The following DCLK1 variants were observed in gnomAD, a reference collection of about 807,000 sequenced individuals.
DCLK1 encodes the protein doublecortin like kinase 1, also known as serine/threonine-protein kinase DCLK1.
A neutral mutation model predicts 86.2 loss-of-function variants in DCLK1; 16 were observed. That is an observed-to-expected ratio of 0.19 (90% CI 0.13 to 0.28). DCLK1 has a LOEUF of 0.28. DCLK1 is among the 10% of genes least tolerant of loss of function. The probability of loss-of-function intolerance (pLI) is 1.00; values close to 1 mark genes in which losing one functional copy is unlikely to be tolerated. For synonymous variants in DCLK1, 369 were observed against 370.5 expected, an observed-to-expected ratio of 1.00 and a Z score of 0.05; for missense variants, 590 against 940.2, an observed-to-expected ratio of 0.63 and a Z score of 4.87.
chr13:35,888,836 TATC>T (rs1288375906), intron 4 of DCLK1, among the ~76,000 whole-genome samples: 5 of 152,212 alleles, frequency 3.3e-5, no homozygotes, highest in Non-Finnish European at 7.3e-5. Flanking sequence ...TGGCTAGACT[TATC>T]ATCTTCAAAT....
At chr13:35,956,911 C>T (rs962925222) in intron 3 of DCLK1, among the ~76,000 whole-genome samples, 2 of 152,176 alleles carry the variant, frequency 1.3e-5, no homozygotes, top group African/African-American at 4.8e-5. Context: ...AAATGCTCCT[C>T]TGGCCTGGAT....
intron 10 of DCLK1, among the ~76,000 whole-genome samples, chr13:35,823,980 A>C (rs1175495574): frequency 2.0e-5 from 3 of 152,044 alleles, no homozygotes; most frequent in Admixed American, 6.5e-5. Flanking sequence ...AGTTTTTTCA[A>C]CTTTCTGCTT....
chr13:35,849,929 G>GA, intron 6 of DCLK1: 1 of 958,454 alleles, frequency 1.0e-6, no homozygotes, highest in Non-Finnish European at 1.2e-6. Context: ...ATGATTGTAA[G>GA]AAAAAATTAT....
chr13:36,005,540 T>C (rs1593809390), intron 3 of DCLK1, among the ~76,000 whole-genome samples: 2 of 152,262 alleles, frequency 1.3e-5, no homozygotes, highest in Admixed American at 1.3e-4. Context: ...GGAACATGCT[T>C]TCGAAGGATA....
At chr13:36,013,685 G>C (rs1881394016) in intron 3 of DCLK1, among the ~76,000 whole-genome samples, 1 of 152,146 alleles carries the variant, frequency 6.6e-6, no homozygotes, top group Non-Finnish European at 1.5e-5. Flanking sequence ...CTTTTTGTTT[G>C]TCTGTGCCCT....
intron 3 of DCLK1, among the ~76,000 whole-genome samples, chr13:35,959,381 G>A (rs778245296): frequency 2.0e-5 from 3 of 152,086 alleles, no homozygotes; most frequent in African/African-American, 7.2e-5. Flanking sequence ...CAAACAGGGC[G>A]ATCACTGGCC....
intron 16 of DCLK1, among the ~76,000 whole-genome samples, chr13:35,783,061 G>T (rs771845187): frequency 3.3e-5 from 5 of 152,394 alleles, no homozygotes; most frequent in East Asian, 1.9e-4. Flanking sequence ...CCCTGTCCTA[G>T]AGGATCACAT....
intron 4 of DCLK1, among the ~76,000 whole-genome samples, chr13:35,879,076 C>A (rs768904829): frequency 6.6e-6 from 1 of 152,106 alleles, no homozygotes; most frequent in Non-Finnish European, 1.5e-5. Flanking sequence ...ATGGCCACCA[C>A]ACCGGGCCAA....
chr13:35,901,567 G>A (rs1566593928), intron 4 of DCLK1, among the ~76,000 whole-genome samples: 1 of 148,746 alleles, frequency 6.7e-6, no homozygotes, highest in African/African-American at 2.5e-5. Context: ...GGAGGAAATA[G>A]GGTAGAACTT....
At chr13:35,896,032 C>A (rs1172891509) in intron 4 of DCLK1, among the ~76,000 whole-genome samples, 1 of 151,790 alleles carries the variant, frequency 6.6e-6, no homozygotes, top group Non-Finnish European at 1.5e-5. Flanking sequence ...ACAAGTAAGG[C>A]GCTTTGTTTT....
chr13:35,782,386 T>C (rs1180933020), intron 16 of DCLK1, among the ~76,000 whole-genome samples: 1 of 152,222 alleles, frequency 6.6e-6, no homozygotes, highest in Non-Finnish European at 1.5e-5. Flanking sequence ...TTGCCATGTT[T>C]GTTCTCCATC....
chr13:35,835,152 C>G (rs1170247815), intron 8 of DCLK1, among the ~76,000 whole-genome samples: 1 of 152,074 alleles, frequency 6.6e-6, no homozygotes, highest in African/African-American at 2.4e-5. Context: ...CTGAGTGGAG[C>G]TTAGGAGTGT....
At chr13:36,003,565 G>A (rs1880816943) in intron 3 of DCLK1, among the ~76,000 whole-genome samples, 1 of 152,088 alleles carries the variant, frequency 6.6e-6, no homozygotes, top group Non-Finnish European at 1.5e-5. Flanking sequence ...GCTTATAAAG[G>A]CTGAAAATAA....
In DCLK1 at chr13:36,049,280, G is replaced by C. The variant is rs150590810; in HGVS notation, c.723+62589C>G. On this transcript the variant is annotated intron_variant, in intron 3 of 16. Coordinates refer to ENST00000360631, the MANE Select transcript of DCLK1 (RefSeq NM_001330071.2). ...GTAAGTGTGGCTGCTTAAGAAACAT[G>C]AGCATATTCTGATTTTTGCTAAGAA... 1.6e-3 allele frequency among the ~76,000 whole-genome samples: 244 copies of C among 152,264 alleles called. 1 individual carries two copies. The highest frequency in any genetic ancestry group is 5.7e-3 in the African/African-American group (235 of 41,558).
chr13:35,862,524 C>T (rs1254517414), intron 5 of DCLK1, among the ~76,000 whole-genome samples: 1 of 152,130 alleles, frequency 6.6e-6, no homozygotes, highest in African/African-American at 2.4e-5. Context: ...CCACTGTTTC[C>T]AAAACTCAAC....
At chr13:36,007,291 T>C (rs1244654499) in intron 3 of DCLK1, among the ~76,000 whole-genome samples, 1 of 152,212 alleles carries the variant, frequency 6.6e-6, no homozygotes, top group Non-Finnish European at 1.5e-5. Flanking sequence ...TAAAGCTTAG[T>C]AGAGATTTTT....
At chr13:36,079,689 T>C (rs924554476) in intron 3 of DCLK1, among the ~76,000 whole-genome samples, 3 of 152,042 alleles carry the variant, frequency 2.0e-5, no homozygotes, top group Non-Finnish European at 4.4e-5. Context: ...ACCAACAGCA[T>C]TATCAGGAAT....
intron 4 of DCLK1, among the ~76,000 whole-genome samples, chr13:35,942,624 C>A (rs796297758): frequency 6.6e-6 from 1 of 152,166 alleles, no homozygotes; most frequent in South Asian, 2.1e-4. Context: ...AGATCTCCTC[C>A]GGCACATTTG....
At chr13:35,884,720 G>GC (rs1873123043) in intron 4 of DCLK1, among the ~76,000 whole-genome samples, 1 of 152,178 alleles carries the variant, frequency 6.6e-6, no homozygotes, top group South Asian at 2.1e-4. Flanking sequence ...GCCCCAGTGG[G>GC]TTGAGGTCAA....
Sources: gnomAD v4.1 joint callset for allele counts (sites outside exome capture counted in the v4.1 genomes callset) on GRCh38, gnomAD v4.1.1 for gene constraint, MANE v1.5 for transcripts, NCBI Gene and HGNC (gene_info 2026-07-23, HGNC 2026-07-21) for gene names.